The following CTNNBL1 variants were observed in gnomAD, a reference collection of about 807,000 sequenced individuals.
CTNNBL1 encodes beta-catenin-like protein 1.
CTNNBL1 carries 31 observed loss-of-function variants against 72.7 expected under a neutral mutation model. The observed-to-expected ratio is 0.43, with a 90% CI of 0.32 to 0.58. The LOEUF is 0.58. CTNNBL1 is among the 20% of genes least tolerant of loss of function. CTNNBL1 has a pLI of 0.08. For missense variants in CTNNBL1, 534 were observed against 725.1 expected (o/e 0.74, Z 3.03); for synonymous variants, 240 against 267.3 (o/e 0.90, Z 1.00).
In CTNNBL1 at chr20:37,746,448, T is replaced by C; in HGVS notation, c.327-20T>C. 6.2e-7 allele frequency: 1 copy of C among 1,607,966 alleles called. No homozygotes were observed. On this transcript the variant is annotated intron_variant, in intron 3 of 15. Coordinates refer to ENST00000361383, the MANE Select transcript of CTNNBL1 (RefSeq NM_030877.5). ...GATAGTGCCCCTTTCCTTCTAATGA[T>C]GTCTTGTTTTCCCTCCTAGGTTCAT...
chr20:37,755,135 C>T (rs2073353066), intron 4 of CTNNBL1, among the ~76,000 whole-genome samples: 1 of 152,182 alleles, frequency 6.6e-6, no homozygotes, highest in Non-Finnish European at 1.5e-5. Flanking sequence ...CTTTACCTTT[C>T]TTATCTGTTA....
At chr20:37,840,005 A>C (rs1299254068) in intron 11 of CTNNBL1, 97 bp from the exon 12 acceptor site, 2 of 820,306 alleles carry the variant, frequency 2.4e-6, no homozygotes, top group Non-Finnish European at 4.1e-6. Context: ...AGAAAGGCCT[A>C]CTTATTCTGC....
At chr20:37,804,997 C>T (rs769062973) in intron 11 of CTNNBL1, among the ~76,000 whole-genome samples, 1 of 152,214 alleles carries the variant, frequency 6.6e-6, no homozygotes, top group Non-Finnish European at 1.5e-5. Flanking sequence ...ACCCAGAGAG[C>T]AGAAGTGAAC....
chr20:37,724,070 T>G (rs546859930), intron 1 of CTNNBL1, among the ~76,000 whole-genome samples: 1 of 152,208 alleles, frequency 6.6e-6, no homozygotes, highest in Non-Finnish European at 1.5e-5. Flanking sequence ...CCTTTTATTC[T>G]GACAAAAGGT....
chr20:37,808,574 A>G (rs2071980943), intron 11 of CTNNBL1, among the ~76,000 whole-genome samples: 1 of 152,180 alleles, frequency 6.6e-6, no homozygotes, highest in Non-Finnish European at 1.5e-5. Flanking sequence ...TGCTCTTCCT[A>G]GTATTCCATC....
At chr20:37,705,261 A>T (rs958714684) in intron 1 of CTNNBL1, among the ~76,000 whole-genome samples, 2 of 152,172 alleles carry the variant, frequency 1.3e-5, no homozygotes, top group African/African-American at 4.8e-5. Context: ...GAGATTGTAT[A>T]ATAGTGTCTA....
At chr20:37,754,282 C>CT (rs369597087) in intron 4 of CTNNBL1, among the ~76,000 whole-genome samples, 12,504 of 111,840 alleles carry the variant, frequency 0.11, 1,290 homozygotes, top group Middle Eastern at 0.2. Context: ...TATTTATTTG[C>CT]TTTTTTTTTT....
intron 1 of CTNNBL1, among the ~76,000 whole-genome samples, chr20:37,700,787 T>C (rs1352103335): frequency 6.6e-6 from 1 of 152,174 alleles, no homozygotes; most frequent in Non-Finnish European, 1.5e-5. Flanking sequence ...AATTCACATT[T>C]AGTATGGCTT....
chr20:37,852,632 A>G (rs1007333004), intron 13 of CTNNBL1, among the ~76,000 whole-genome samples: 13 of 152,358 alleles, frequency 8.5e-5, no homozygotes, highest in African/African-American at 2.6e-4. Flanking sequence ...AGGACCTTCA[A>G]GAGCACCGGA....
At chr20:37,750,676 A>T (rs1277411151) in intron 4 of CTNNBL1, 1 of 152,202 alleles carries the variant, frequency 6.6e-6, no homozygotes, top group Non-Finnish European at 1.5e-5. Flanking sequence ...AAATTGATAA[A>T]TATTCTGTTT....
chr20:37,738,621 C>T (rs1030023422), intron 3 of CTNNBL1, among the ~76,000 whole-genome samples: 6 of 152,144 alleles, frequency 3.9e-5, no homozygotes, highest in Non-Finnish European at 5.9e-5. Context: ...GCTTTGCACT[C>T]AAGTTTTTAG....
At chr20:37,819,851 A>G (rs1396670413) in intron 11 of CTNNBL1, among the ~76,000 whole-genome samples, 1 of 147,998 alleles carries the variant, frequency 6.8e-6, no homozygotes, top group Admixed American at 6.7e-5. Flanking sequence ...AATCTACTAA[A>G]TTCATTTTAT....
rs760729842 is a variant in CTNNBL1, at chr20:37,860,031, C to T, written c.1525C>T (p.Pro509Ser). 4.3e-6 allele frequency: 7 copies of T among 1,614,136 alleles called. No homozygotes were observed. The highest frequency in any genetic ancestry group is 5.1e-6 in the Non-Finnish European group (6 of 1,180,010). The change falls in exon 14 of 16, where the codon CCC becomes TCC. Residue 509 changes from proline (P) to serine (S), a missense_variant. Pro to Ser is a moderately conservative substitution (Grantham distance 74). Coordinates refer to ENST00000361383, the MANE Select transcript of CTNNBL1 (RefSeq NM_030877.5). ...GGCCGAGATCTGCAATGCCAATGTC[C>T]CCCAGGTAGGAGGGTCTTCCCCTGG... Reference protein sequence around the residue: ...IMAEICNANVPQIRQRVHQIL... With the variant: ...IMAEICNANVSQIRQRVHQIL...
intron 10 of CTNNBL1, among the ~76,000 whole-genome samples, chr20:37,797,310 G>A (rs867393482): frequency 3.4e-5 from 5 of 147,224 alleles, no homozygotes; most frequent in Non-Finnish European, 4.5e-5. Context: ...TTCTTGCCAC[G>A]ATTAGTTTAT....
At position 37,836,163 on chromosome 20, in the gene CTNNBL1, T is replaced by C. The variant is rs2072251866; in HGVS notation, c.1214-3939T>C. ...TCTGTGGTTGTGTGTAAATTCATCT[T>C]TGAGCTTCCTAATAGCCCAGGCAAA... On this transcript the variant is annotated intron_variant, in intron 11 of 15. Coordinates refer to ENST00000361383, the MANE Select transcript of CTNNBL1 (RefSeq NM_030877.5). 2.0e-5 allele frequency among the ~76,000 whole-genome samples: 3 copies of C among 152,336 alleles called. No homozygotes were observed. The South Asian group carries it at 6.2e-4, about 32-fold the overall frequency.
chr20:37,793,445 A>G (rs1353742751), intron 10 of CTNNBL1, among the ~76,000 whole-genome samples: 1 of 152,180 alleles, frequency 6.6e-6, no homozygotes, highest in Non-Finnish European at 1.5e-5. Context: ...AGCCACTACA[A>G]CTTTCTCTTA....
At chr20:37,780,080 C>A (rs6020862) in intron 10 of CTNNBL1, among the ~76,000 whole-genome samples, 1 of 149,368 alleles carries the variant, frequency 6.7e-6, no homozygotes, top group Non-Finnish European at 1.5e-5. Context: ...AAAAAAAAAT[C>A]GAGCATGTTT....
chr20:37,836,671 T>C (rs2072257277), intron 11 of CTNNBL1, among the ~76,000 whole-genome samples: 1 of 152,196 alleles, frequency 6.6e-6, no homozygotes, highest in Non-Finnish European at 1.5e-5. Context: ...TTCTTCAGGT[T>C]AGGGAGGGTG....
intron 11 of CTNNBL1, among the ~76,000 whole-genome samples, chr20:37,818,569 G>A (rs1407017955): frequency 1.3e-5 from 2 of 152,172 alleles, no homozygotes; most frequent in East Asian, 3.8e-4. Flanking sequence ...AGACTTAATA[G>A]ATGTAAACAG....
Sources: allele counts gnomAD v4.1 joint callset (sites outside exome capture counted in the v4.1 genomes callset), GRCh38; gene constraint gnomAD v4.1.1; transcripts MANE v1.5; gene names NCBI Gene and HGNC (gene_info 2026-07-23, HGNC 2026-07-21).